Variants in PTGFRN observed in about 807,000 individuals in gnomAD.
PTGFRN encodes prostaglandin F2 receptor inhibitor.
A neutral mutation model predicts 83.2 loss-of-function variants in PTGFRN; 35 were observed. The ratio of observed to expected loss-of-function variants is 0.42; its 90% CI spans 0.32 to 0.56. The LOEUF (loss-of-function observed/expected upper bound fraction) is 0.56. Ranked by LOEUF, PTGFRN falls within the 20% of genes least tolerant of loss-of-function variation. The pLI is 0.11. For missense variants in PTGFRN, 1,051 were observed against 1,179.5 expected (o/e 0.89, Z 1.60); for synonymous variants, 519 against 498.6 (o/e 1.04, Z -0.55).
At chr1:116,925,938 A>G (rs922550171) in intron 1 of PTGFRN, among the ~76,000 whole-genome samples, 2 of 152,194 alleles carry the variant, frequency 1.3e-5, no homozygotes, top group Admixed American at 1.3e-4. Flanking sequence ...GTCTTTTTTA[A>G]TTTAATTCCC....
intron 6 of PTGFRN, among the ~76,000 whole-genome samples, chr1:116,972,937 A>G (rs1651045782): frequency 1.3e-5 from 2 of 152,176 alleles, no homozygotes; most frequent in Non-Finnish European, 2.9e-5. Flanking sequence ...TTTTTTAACC[A>G]GACTTTATTT....
chr1:116,956,423 G>A (rs1034852658), intron 4 of PTGFRN, among the ~76,000 whole-genome samples: 4 of 152,186 alleles, frequency 2.6e-5, no homozygotes, highest in Admixed American at 2.6e-4. Flanking sequence ...CTCTCATTCC[G>A]CTGTGTTTGG....
At chr1:116,969,501 G>A (rs1650934107) in intron 6 of PTGFRN, among the ~76,000 whole-genome samples, 1 of 152,110 alleles carries the variant, frequency 6.6e-6, no homozygotes, top group African/African-American at 2.4e-5. Flanking sequence ...GATTACTGTA[G>A]CTTTGTAGTT....
chr1:116,967,375 C>T (rs1650871089), intron 6 of PTGFRN, 45 bp downstream of exon 6: 1 of 1,549,282 alleles, frequency 6.5e-7, no homozygotes, highest in Non-Finnish European at 8.7e-7. Flanking sequence ...CTAGAAGAGA[C>T]CCTAGGGTTT....
Position 116,952,704 on chromosome 1 carries a change from A to G in PTGFRN, c.1213+3132A>G, listed in dbSNP as rs1034256349. ...AAACATTAACTCTTTCAGCAAGACA[A>G]ACTTTCTCTTGGCATTGAATTTATC... is the stretch of plus-strand genomic sequence containing the variant. On this transcript the variant is annotated intron_variant, in intron 4 of 8. Transcript: ENST00000393203. The surrounding 1 kb of genome is among the most constrained non-coding windows in gnomAD (Gnocchi z 4.0). Among the ~76,000 whole-genome samples the G allele has an allele frequency of 3.3e-5, 5 of 152,212 alleles. No homozygotes were observed. The highest frequency in any genetic ancestry group is 4.8e-5 in the African/African-American group (2 of 41,462).
chr1:116,941,863 C>T lies in PTGFRN; in HGVS notation c.198C>T (p.Ser66=), dbSNP rs1650070461. 6.2e-7 allele frequency: 1 copy of T among 1,614,064 alleles called. No homozygotes were observed. Among genetic ancestry groups the T allele is most frequent in the African/African-American group, 1.3e-5 (1 of 74,924 alleles). Residue 66 remains serine, a synonymous_variant, in exon 2 of 9, where the codon AGC becomes AGT. Transcript: ENST00000393203. The surrounding 1 kb of genome is among the most constrained non-coding windows in gnomAD (Gnocchi z 5.0). ...FDWSFSSLGS[S]FVELASTWEV... ...GGAGCTTCTCATCTTTGGGGAGCAG[C>T]TTTGTGGAGCTTGCAAGCACCTGGG...
chr1:116,958,656 A>G lies in PTGFRN; in HGVS notation c.1214-2587A>G, dbSNP rs1439153111. 6.6e-6 allele frequency among the ~76,000 whole-genome samples: 1 copy of G among 152,186 alleles called. No homozygotes were observed. The highest frequency in any genetic ancestry group is 1.5e-5 in the Non-Finnish European group (1 of 68,026). Reference sequence around the variant, plus strand: ...CAGTATATTTTAACTCTTAACCCTCACAATAACATTATGAGCTAGTTACTG... The same window carrying G: ...CAGTATATTTTAACTCTTAACCCTCGCAATAACATTATGAGCTAGTTACTG... On this transcript the variant is annotated intron_variant, in intron 4 of 8. Coordinates refer to ENST00000393203, the MANE Select transcript of PTGFRN (RefSeq NM_020440.4). The surrounding 1 kb of genome is among the most constrained non-coding windows in gnomAD (Gnocchi z 4.9).
chr1:116,926,076 T>G (rs1570647399), intron 1 of PTGFRN, among the ~76,000 whole-genome samples: 1 of 110,612 alleles, frequency 9.0e-6, no homozygotes, highest in South Asian at 2.5e-4. Context: ...GCTTAAAGTG[T>G]TGTTGGGGAG....
At position 116,951,433 on chromosome 1, in the gene PTGFRN, G is replaced by C. The variant is rs536562465; in HGVS notation, c.1213+1861G>C. On this transcript the variant is annotated intron_variant, in intron 4 of 8. Transcript: ENST00000393203. Reference sequence around the variant, plus strand: ...GTGCTTTTCCTGACTGATGCTAACAGATACAGAACCTGCACCTTCCCTGCT... The same window carrying C: ...GTGCTTTTCCTGACTGATGCTAACACATACAGAACCTGCACCTTCCCTGCT... Among the ~76,000 whole-genome samples, 84 of 152,354 alleles carry C rather than the reference G, an allele frequency of 5.5e-4. 1 individual carries two copies. In the South Asian group the frequency reaches 0.016, roughly 29 times the overall value.
At chr1:116,977,740 A>G (rs2101087862) in intron 7 of PTGFRN, among the ~76,000 whole-genome samples, 1 of 152,382 alleles carries the variant, frequency 6.6e-6, no homozygotes, top group Non-Finnish European at 1.5e-5. Context: ...AGGGAAATTT[A>G]TAGCACTAAA....
At chr1:116,963,850 T>TACAATA (rs1650743806) in intron 5 of PTGFRN, among the ~76,000 whole-genome samples, 1 of 151,868 alleles carries the variant, frequency 6.6e-6, no homozygotes, top group African/African-American at 2.4e-5. Flanking sequence ...TGGCTTATTG[T>TACAATA]AGCTTCAGCC....
chr1:116,977,074 T>C (rs1254789534), intron 7 of PTGFRN, among the ~76,000 whole-genome samples: 1 of 152,144 alleles, frequency 6.6e-6, no homozygotes, highest in Non-Finnish European at 1.5e-5. Flanking sequence ...GTTGCAATCC[T>C]AGTCTCTGAT....
chr1:116,950,791 C>T (rs1426750347), intron 4 of PTGFRN, among the ~76,000 whole-genome samples: 2 of 152,046 alleles, frequency 1.3e-5, no homozygotes, highest in Non-Finnish European at 2.9e-5. Flanking sequence ...GTTCATCAGC[C>T]CTGTTAGCAA....
rs373380792 is a variant in PTGFRN at position 116,923,797 on chromosome 1, G to A, written c.49+13545G>A. On this transcript the variant is annotated intron_variant, in intron 1 of 8. Transcript: ENST00000393203. This position sits in a 1 kb window ranked among gnomAD's most constrained non-coding sequence, Gnocchi z 4.0. ...GGGCAGTAGTACTGCCGCCTGTAGC[G>A]TGGGCCTGGTCTCACTGGGTAGTTA... is the stretch of plus-strand genomic sequence containing the variant. Among the ~76,000 whole-genome samples, 8 of 152,250 alleles carry A rather than the reference G, an allele frequency of 5.3e-5. No individual in the cohort carries two copies. Among genetic ancestry groups the A allele is most frequent in the African/African-American group, 1.7e-4 (7 of 41,546 alleles).
intron 4 of PTGFRN, among the ~76,000 whole-genome samples, chr1:116,951,343 C>T (rs929543103): frequency 2.6e-5 from 4 of 152,250 alleles, no homozygotes; most frequent in African/African-American, 9.6e-5. Context: ...GGCTCAGTTA[C>T]TATCCAAAGG....
chr1:116,979,816 G>A (rs1390435118), intron 7 of PTGFRN, among the ~76,000 whole-genome samples: 2 of 152,152 alleles, frequency 1.3e-5, no homozygotes, highest in African/African-American at 4.8e-5. Context: ...CATGGGCTAG[G>A]ACTTCATGTT....
At chr1:116,983,309 C>T (rs776260607) in intron 7 of PTGFRN, among the ~76,000 whole-genome samples, 7 of 152,038 alleles carry the variant, frequency 4.6e-5, no homozygotes, top group Non-Finnish European at 8.8e-5. Context: ...TCTGGGAACC[C>T]GGTTTGGCTT....
intron 3 of PTGFRN, among the ~76,000 whole-genome samples, 185 bp from the exon 4 acceptor site, chr1:116,949,004 TAAG>T (rs1397720072): frequency 5.9e-5 from 9 of 152,198 alleles, no homozygotes; most frequent in Non-Finnish European, 8.8e-5. Flanking sequence ...TTTTATAAAA[TAAG>T]AAGAAATGTG....
intron 1 of PTGFRN, among the ~76,000 whole-genome samples, chr1:116,910,529 CG>C (rs1649240370): frequency 6.6e-6 from 1 of 151,992 alleles, no homozygotes; most frequent in African/African-American, 2.4e-5. Flanking sequence ...GGGAGTGGCC[CG>C]GGGCCGTCTT....
Sources: gnomAD v4.1 joint callset for allele counts (sites outside exome capture counted in the v4.1 genomes callset) on GRCh38, gnomAD v4.1.1 for gene constraint, Gnocchi (gnomAD v3.1) non-coding constraint, MANE v1.5 for transcripts, NCBI Gene and HGNC (gene_info 2026-07-23, HGNC 2026-07-21) for gene names.